The following DPP4 variants were observed in gnomAD, a reference collection of about 807,000 sequenced individuals.
DPP4 encodes the protein dipeptidyl peptidase 4.
Under a neutral mutation model 122.4 loss-of-function variants are expected in DPP4, and 93 were observed. That is an observed-to-expected ratio of 0.76 (90% CI 0.64 to 0.90). The LOEUF is 0.90. DPP4 is among the 40% of genes least tolerant of loss of function. DPP4 has a pLI of 0.00. For synonymous variants in DPP4, 321 were observed against 302.9 expected (o/e 1.06, Z -0.62); for missense variants, 914 against 907.3 (o/e 1.01, Z -0.09).
chr2:161,995,164 G>A (rs899499558), intron 24 of DPP4, 130 bp from the exon 25 acceptor site: 1 of 1,308,966 alleles, frequency 7.6e-7, no homozygotes, highest in Admixed American at 1.7e-5. Flanking sequence ...TTTAGCCCAA[G>A]ACAAGTGACT....
chr2:162,051,130 C>T lies in DPP4; in HGVS notation c.95-3629G>A, dbSNP rs547209347. On this transcript the variant is annotated intron_variant, in intron 2 of 25. Coordinates refer to ENST00000360534, the MANE Select transcript of DPP4 (RefSeq NM_001935.4). ...AGCTAAAGCAACTATTAGCTTGAAC[C>T]GCATGAAAATACCATTTTTATTAGT... Among the ~76,000 whole-genome samples, 9 of 151,916 alleles carry T rather than the reference C, an allele frequency of 5.9e-5. 1 individual carries two copies. The highest frequency in any genetic ancestry group is 1.7e-4 in the African/African-American group (7 of 41,432).
intron 23 of DPP4, 90 bp downstream of exon 23, chr2:162,005,655 A>T (rs1024521332): frequency 8.5e-7 from 1 of 1,172,420 alleles, no homozygotes; most frequent in Non-Finnish European, 1.2e-6. Context: ...GGAAATAAAA[A>T]TATGTATTTT....
chr2:162,013,339 C>T (rs183223124), intron 19 of DPP4, among the ~76,000 whole-genome samples: 24 of 152,182 alleles, frequency 1.6e-4, no homozygotes, highest in Non-Finnish European at 2.6e-4. Context: ...ATTAGTGTCA[C>T]GAATGAATTG....
intron 10 of DPP4, among the ~76,000 whole-genome samples, chr2:162,029,617 A>G (rs1183262773): frequency 6.6e-6 from 1 of 152,218 alleles, no homozygotes; most frequent in East Asian, 1.9e-4. Context: ...TTGATGTTGC[A>G]GCTTTATAGG....
At chr2:162,016,721 C>T (rs1224212423) in intron 18 of DPP4, 47 bp downstream of exon 18, 2 of 1,262,546 alleles carry the variant, frequency 1.6e-6, no homozygotes, top group Non-Finnish European at 2.3e-6. Context: ...AGTTAGAGTG[C>T]ATTGGTGTTT....
chr2:162,023,808 C>T (rs527693769), intron 11 of DPP4, among the ~76,000 whole-genome samples: 116 of 152,360 alleles, frequency 7.6e-4, no homozygotes, highest in African/African-American at 2.7e-3. Flanking sequence ...GCGCTAGCTC[C>T]TCAAACGTTG....
intron 2 of DPP4, among the ~76,000 whole-genome samples, chr2:162,060,285 C>T (rs1684717032): frequency 6.6e-6 from 1 of 152,152 alleles, no homozygotes; most frequent in Non-Finnish European, 1.5e-5. Context: ...TCAGTTGAAA[C>T]TTAATTTGTT....
intron 2 of DPP4, among the ~76,000 whole-genome samples, chr2:162,050,802 T>C (rs1029101650): frequency 6.6e-6 from 1 of 152,226 alleles, no homozygotes; most frequent in Non-Finnish European, 1.5e-5. Flanking sequence ...AAGTTCATAG[T>C]TGGCTGCCAA....
chr2:162,026,443 C>G (rs1683332780), intron 10 of DPP4, among the ~76,000 whole-genome samples: 1 of 152,198 alleles, frequency 6.6e-6, no homozygotes. Flanking sequence ...ACTACCTAGT[C>G]TGGGTGGCTG....
At chr2:162,066,978 A>C (rs1296749177) in intron 2 of DPP4, among the ~76,000 whole-genome samples, 1 of 32,540 alleles carries the variant, frequency 3.1e-5, no homozygotes, top group Admixed American at 1.9e-4. Context: ...TTTCAACATG[A>C]GGTTTGGAGG....
chr2:162,059,418 T>C (rs1452950450), intron 2 of DPP4, among the ~76,000 whole-genome samples: 3 of 152,190 alleles, frequency 2.0e-5, no homozygotes, highest in Non-Finnish European at 4.4e-5. Flanking sequence ...ACTTGAAAGG[T>C]GGAAAGTTCT....
At chr2:161,997,371 A>G (rs1701032499) in intron 23 of DPP4, among the ~76,000 whole-genome samples, 1 of 152,200 alleles carries the variant, frequency 6.6e-6, no homozygotes, top group South Asian at 2.1e-4. Flanking sequence ...CATCTAGTCA[A>G]TCAATATTTA....
In DPP4 at chr2:161,993,316, G is replaced by T; in HGVS notation, c.2268C>A (p.Ser756Arg). 3 of 1,613,442 alleles carry T rather than the reference G, an allele frequency of 1.9e-6. No individual in the cohort carries two copies. The highest frequency in any genetic ancestry group is 1.3e-5 in the African/African-American group (1 of 75,006). ...AAGAGAAACATTGTTTTATGAAGTG[G>T]CTCATGTGGGTATATATATGTTGGT... ...TAHQHIYTHM[S>R]HFIKQCFSLP The change falls in exon 26 of 26, where the codon AGC becomes AGA. Residue 756 changes from serine to arginine, a missense_variant. Coordinates refer to ENST00000360534, the MANE Select transcript of DPP4 (RefSeq NM_001935.4).
intron 5 of DPP4, 61 bp from the exon 6 acceptor site, chr2:162,039,245 T>C: frequency 2.2e-6 from 3 of 1,350,544 alleles, no homozygotes; most frequent in Non-Finnish European, 3.2e-6. Flanking sequence ...CCACTCACTA[T>C]AGGAGACCAA....
chr2:162,016,054 C>G (rs758190552), intron 18 of DPP4, among the ~76,000 whole-genome samples: 15 of 152,206 alleles, frequency 9.9e-5, no homozygotes, highest in Non-Finnish European at 1.5e-4. Flanking sequence ...GGATGCTATA[C>G]TTTCCTGTGC....
chr2:162,012,170 T>C (rs1323608182), intron 19 of DPP4, among the ~76,000 whole-genome samples, 183 bp from the exon 20 acceptor site: 1 of 152,146 alleles, frequency 6.6e-6, no homozygotes, highest in Non-Finnish European at 1.5e-5. Context: ...CATGGTTGTA[T>C]ATTTCCTTCA....
intron 23 of DPP4, among the ~76,000 whole-genome samples, chr2:162,002,348 T>C (rs1701170854): frequency 6.6e-6 from 1 of 152,244 alleles, no homozygotes; most frequent in Non-Finnish European, 1.5e-5. Context: ...AATCACCTAA[T>C]AATAAATCCT....
chr2:162,001,301 A>C (rs1303665036), intron 23 of DPP4, among the ~76,000 whole-genome samples: 1 of 152,198 alleles, frequency 6.6e-6, no homozygotes, highest in African/African-American at 2.4e-5. Flanking sequence ...AACATGAATG[A>C]AATAAATGAA....
chr2:162,016,927 TGCAATAATGA>T (rs1682947363), intron 17 of DPP4, 61 bp from the exon 18 acceptor site: 3 of 1,513,580 alleles, frequency 2.0e-6, no homozygotes, highest in Non-Finnish European at 2.7e-6. Context: ...GATTATGTAG[TGCAATAATGA>T]GCAAACATGA....
Sources: allele counts gnomAD v4.1 joint callset (sites outside exome capture counted in the v4.1 genomes callset), GRCh38; gene constraint gnomAD v4.1.1; transcripts MANE v1.5; gene names NCBI Gene and HGNC (gene_info 2026-07-23, HGNC 2026-07-21).